CSGALNACT1: variants seen among roughly 807,000 people sequenced by gnomAD.
CSGALNACT1 encodes beta4GalNAcT-1.
A neutral mutation model predicts 51.0 loss-of-function variants in CSGALNACT1; 52 were observed. The observed-to-expected ratio is 1.02, with a 90% CI of 0.82 to 1.29. The LOEUF (loss-of-function observed/expected upper bound fraction) is 1.29. Among genes scored for constraint, CSGALNACT1 ranks in the 50% most tolerant of loss-of-function variants. The pLI, the probability that CSGALNACT1 is intolerant of heterozygous loss-of-function variation, is 0.00. For missense variants in CSGALNACT1, 935 were observed against 679.2 expected (o/e 1.38, Z -4.19); for synonymous variants, 341 against 254.4 (o/e 1.34, Z -3.24).
intron 1 of CSGALNACT1, among the ~76,000 whole-genome samples, chr8:19,630,440 T>C (rs1005040754): frequency 1.3e-5 from 2 of 152,118 alleles, no homozygotes; most frequent in East Asian, 1.9e-4. Flanking sequence ...ATTAACATCA[T>C]GCATTGGTGT....
chr8:19,699,693 T>G (rs2061758512), intron 1 of CSGALNACT1, among the ~76,000 whole-genome samples: 1 of 151,976 alleles, frequency 6.6e-6, no homozygotes, highest in Non-Finnish European at 1.5e-5. Context: ...AGATGAAGAG[T>G]TCTAGAAATG....
At chr8:19,637,161 G>T (rs2056183597) in intron 1 of CSGALNACT1, among the ~76,000 whole-genome samples, 1 of 152,052 alleles carries the variant, frequency 6.6e-6, no homozygotes, top group African/African-American at 2.4e-5. Flanking sequence ...AGTGGAGATC[G>T]CACCATTGCA....
chr8:19,542,476 G>A (rs373847562), intron 3 of CSGALNACT1, among the ~76,000 whole-genome samples: 81 of 152,112 alleles, frequency 5.3e-4, no homozygotes, highest in Middle Eastern at 3.4e-3. Context: ...CAGAGCCCTC[G>A]GTCTATTTTT....
At chr8:19,681,751 T>C (rs1041992430) in intron 1 of CSGALNACT1, among the ~76,000 whole-genome samples, 1 of 152,170 alleles carries the variant, frequency 6.6e-6, no homozygotes, top group African/African-American at 2.4e-5. Flanking sequence ...GCCCTGGGAA[T>C]GCCAGGCTGG....
intron 1 of CSGALNACT1, among the ~76,000 whole-genome samples, chr8:19,701,690 T>C (rs1023143405): frequency 2.6e-5 from 4 of 152,204 alleles, no homozygotes; most frequent in East Asian, 1.9e-4. Context: ...AGGATAATGA[T>C]GATGACAATG....
chr8:19,675,964 C>T (rs1022613051), intron 1 of CSGALNACT1, among the ~76,000 whole-genome samples: 1 of 151,746 alleles, frequency 6.6e-6, no homozygotes, highest in Non-Finnish European at 1.5e-5. Flanking sequence ...CAGGACAGAC[C>T]CAAAGTGGAA....
In CSGALNACT1 at chr8:19,590,640, C is replaced by CTTTTTTTTTTTTTTTTTT. The variant is rs34859554; in HGVS notation, c.-297+502_-297+519dup. ...TACTCATAGCTGGTGGACCTAACTACTTTTTTTTTTTTTTTTTTTTTTTTT... is the reference window on the plus strand; with the variant it reads ...TACTCATAGCTGGTGGACCTAACTACTTTTTTTTTTTTTTTTTTTTTTTTTTTTTTTTTTTTTTTTTTT... On this transcript the variant is annotated intron_variant, in intron 3 of 9. Coordinates refer to ENST00000454498, the Ensembl canonical transcript of CSGALNACT1. Among the ~76,000 whole-genome samples, 24 of 68,984 alleles carry CTTTTTTTTTTTTTTTTTT rather than the reference C, an allele frequency of 3.5e-4. 3 individuals carry two copies. The highest frequency in any genetic ancestry group is 1.3e-3 in the African/African-American group (23 of 18,188). The allele number at this position is 68,984 out of a possible 152,430, so 45.3% of individuals were successfully genotyped here.
intron 4 of CSGALNACT1, among the ~76,000 whole-genome samples, chr8:19,482,298 T>G (rs957549687): frequency 6.6e-6 from 1 of 152,224 alleles, no homozygotes; most frequent in Non-Finnish European, 1.5e-5. Context: ...TTTAATTAAT[T>G]TTTGTTTAAA....
At chr8:19,610,627 T>G (rs1357786099) in intron 1 of CSGALNACT1, among the ~76,000 whole-genome samples, 1 of 152,136 alleles carries the variant, frequency 6.6e-6, no homozygotes, top group East Asian at 1.9e-4. Context: ...ATGCAGAGTT[T>G]GGCTGGGGCA....
rs144832448 is a variant in CSGALNACT1 at position 19,488,517 on chromosome 8, T to C, written c.634+16684A>G. 2.3e-3 allele frequency among the ~76,000 whole-genome samples: 343 copies of C among 151,496 alleles called. 2 individuals are homozygous for C. The highest frequency in any genetic ancestry group is 7.9e-3 in the African/African-American group (326 of 41,330). On this transcript the variant is annotated intron_variant, in intron 4 of 9. Transcript: ENST00000454498. ...AAGCAGTGTTTTGGAAATGATTCCA[T>C]AAAGGGAAATGAACCCATGACTACT... is the stretch of plus-strand genomic sequence containing the variant.
intron 6 of CSGALNACT1, among the ~76,000 whole-genome samples, chr8:19,435,491 C>CA (rs35102795): frequency 0.5 from 69,294 of 138,218 alleles, 16,901 homozygotes; most frequent in Middle Eastern, 0.58. Context: ...GACTCTGAAT[C>CA]AAAAAAAAAA....
chr8:19,649,494 C>A (rs2057583834), intron 1 of CSGALNACT1, among the ~76,000 whole-genome samples: 1 of 152,048 alleles, frequency 6.6e-6, no homozygotes, highest in East Asian at 1.9e-4. Flanking sequence ...TGCTGTATAT[C>A]ATGTATTTTT....
At chr8:19,545,108 C>T (rs963539231) in intron 3 of CSGALNACT1, among the ~76,000 whole-genome samples, 2 of 152,048 alleles carry the variant, frequency 1.3e-5, no homozygotes, top group Non-Finnish European at 2.9e-5. Context: ...CTCCATGTCA[C>T]CCTGGAAGCT....
intron 1 of CSGALNACT1, among the ~76,000 whole-genome samples, chr8:19,624,484 C>A (rs1193034026): frequency 6.6e-6 from 1 of 152,074 alleles, no homozygotes; most frequent in Non-Finnish European, 1.5e-5. Flanking sequence ...AAATAGCCAA[C>A]ACAGTATATT....
chr8:19,590,593 T>G (rs1052378222), intron 3 of CSGALNACT1, among the ~76,000 whole-genome samples: 2 of 151,664 alleles, frequency 1.3e-5, no homozygotes, highest in African/African-American at 4.8e-5. Flanking sequence ...CTCAAACAGC[T>G]TCTAAGTCAA....
At chr8:19,624,944 C>T (rs966304444) in intron 1 of CSGALNACT1, among the ~76,000 whole-genome samples, 59 of 152,240 alleles carry the variant, frequency 3.9e-4, no homozygotes, top group African/African-American at 1.4e-3. Context: ...CCCAAAATGC[C>T]GGGATTACAG....
At chr8:19,714,957 C>G (rs981492549) in intron 1 of CSGALNACT1, among the ~76,000 whole-genome samples, 1 of 152,082 alleles carries the variant, frequency 6.6e-6, no homozygotes, top group Non-Finnish European at 1.5e-5. Flanking sequence ...GTCTGCTGTT[C>G]TTTTCTTTGT....
intron 3 of CSGALNACT1, among the ~76,000 whole-genome samples, chr8:19,526,975 C>T (rs1021736039): frequency 6.6e-6 from 1 of 152,308 alleles, no homozygotes; most frequent in Middle Eastern, 3.4e-3. Flanking sequence ...CATTCAGGAT[C>T]TTAGATATCC....
intron 1 of CSGALNACT1, among the ~76,000 whole-genome samples, chr8:19,755,050 A>T (rs2065268776): frequency 6.6e-6 from 1 of 152,228 alleles, no homozygotes; most frequent in Admixed American, 6.5e-5. Flanking sequence ...CTGTATTTTA[A>T]ATCAACAAAT....
Sources: allele counts gnomAD v4.1 joint callset (sites outside exome capture counted in the v4.1 genomes callset), GRCh38; gene constraint gnomAD v4.1.1; transcripts MANE v1.5; gene names NCBI Gene and HGNC (gene_info 2026-07-23, HGNC 2026-07-21).